The following TRIP12 variants were observed in gnomAD, a reference collection of about 807,000 sequenced individuals.
TRIP12 encodes the protein E3 ubiquitin-protein ligase TRIP12.
TRIP12 carries 25 observed loss-of-function variants against 244.2 expected under a neutral mutation model. The observed-to-expected ratio is 0.10, with a 90% CI of 0.07 to 0.14. TRIP12 has a LOEUF of 0.14. Ranked by LOEUF, TRIP12 falls within the 10% of genes least tolerant of loss-of-function variation. The pLI, the probability that TRIP12 is intolerant of heterozygous loss-of-function variation, is 1.00. For missense variants in TRIP12, 1,677 were observed against 2,486.4 expected (o/e 0.67, Z 6.92); for synonymous variants, 905 against 873.1 (o/e 1.04, Z -0.64).
intron 27 of TRIP12, 96 bp from the exon 28 acceptor site, chr2:229,792,322 C>T (rs2041745446): frequency 8.5e-7 from 1 of 1,180,654 alleles, no homozygotes; most frequent in Non-Finnish European, 1.2e-6. Context: ...TCTTAGAAAA[C>T]ACATATAGGT....
chr2:229,906,735 A>T (rs2072958159), intron 1 of TRIP12, among the ~76,000 whole-genome samples: 2 of 151,836 alleles, frequency 1.3e-5, no homozygotes, highest in African/African-American at 4.8e-5. Flanking sequence ...AAAAAAAAAA[A>T]AAGAAAAAAA....
At chr2:229,827,607 G>C (rs1160987170) in intron 8 of TRIP12, among the ~76,000 whole-genome samples, 1 of 152,088 alleles carries the variant, frequency 6.6e-6, no homozygotes, top group Non-Finnish European at 1.5e-5. Flanking sequence ...CCACTGGAAG[G>C]TCTTCAGGGG....
intron 1 of TRIP12, among the ~76,000 whole-genome samples, chr2:229,897,579 G>A (rs553429546): frequency 3.5e-4 from 53 of 152,294 alleles, no homozygotes; most frequent in African/African-American, 7.2e-4. Context: ...ACCAGGAGGC[G>A]GAGGTTGCAG....
At chr2:229,882,332 T>C (rs1005608074) in intron 1 of TRIP12, among the ~76,000 whole-genome samples, 9 of 152,124 alleles carry the variant, frequency 5.9e-5, no homozygotes, top group African/African-American at 2.4e-5. Flanking sequence ...TCTATATGAG[T>C]CTTAATTTTT....
rs757496219 is a variant in TRIP12 at position 229,810,938 on chromosome 2, G to A, written c.2163C>T (p.Arg721=). ...AGTTGGAACACATCAGAGAAAACAT[G>A]CGAACCACCATTATAAACATCCCAG... ...LSSGMFIMVV[R]MFSLMCSNCP... The change falls in exon 15 of 42, where the codon CGC becomes CGT. Residue 721 remains arginine, a synonymous_variant. Transcript: ENST00000675903. 1.2e-6 allele frequency: 2 copies of A among 1,614,076 alleles called. No individual in the cohort carries two copies. The highest frequency in any genetic ancestry group is 4.5e-5 in the East Asian group (2 of 44,860).
chr2:229,807,808 T>C lies in TRIP12; in HGVS notation c.2396A>G (p.Lys799Arg), dbSNP rs1444131578. ...ATCTGTGTTCTGTGCATTTCCCTTC[T>C]TCAACATGGTATCAACTGCAAAAAT... ...EGIFAVDTML[K>R]KGNAQNTDGA... is the part of the protein sequence containing the mutation. Residue 799 changes from lysine to arginine, a missense_variant, in exon 17 of 42, where the codon AAG (lysine) becomes AGG (arginine). Around this residue, in one of 11 missense-constraint regions of TRIP12, gnomAD observed 572 missense variants for 867.8 expected, o/e 0.66. Transcript: ENST00000675903. 6.2e-7 allele frequency: 1 copy of C among 1,614,158 alleles called. No homozygotes were observed. Among genetic ancestry groups the C allele is most frequent in the Non-Finnish European group, 8.5e-7 (1 of 1,180,020 alleles).
rs60743625 is a variant in TRIP12, at chr2:229,910,871, T to G, written c.-50+11009A>C. ...CAACACTAACATTACTAATGACAGTTGAGAAATAATTAGTAAATAGGTCTG... is the reference window on the plus strand; with the variant it reads ...CAACACTAACATTACTAATGACAGTGGAGAAATAATTAGTAAATAGGTCTG... On this transcript the variant is annotated intron_variant, in intron 1 of 41. Coordinates refer to ENST00000675903, the MANE Select transcript of TRIP12 (RefSeq NM_001348323.3). Among the ~76,000 whole-genome samples the G allele has an allele frequency of 2.9e-3, 448 of 152,288 alleles. 2 individuals are homozygous for G. Among genetic ancestry groups the G allele is most frequent in the African/African-American group, 0.01 (428 of 41,550 alleles).
At chr2:229,808,204 G>A in intron 16 of TRIP12, 48 bp downstream of exon 16, 1 of 1,383,162 alleles carries the variant, frequency 7.2e-7, no homozygotes, top group South Asian at 1.2e-5. Flanking sequence ...CTGACCTCGT[G>A]ATTCACCCGC....
intron 2 of TRIP12, among the ~76,000 whole-genome samples, chr2:229,867,149 GT>G (rs1208773317): frequency 6.5e-5 from 7 of 107,604 alleles, no homozygotes; most frequent in African/African-American, 2.0e-4. Flanking sequence ...GACAGGGAAG[GT>G]TTTTTTTTGT....
intron 1 of TRIP12, among the ~76,000 whole-genome samples, chr2:229,906,625 C>T (rs1173362442): frequency 2.0e-5 from 3 of 148,892 alleles, no homozygotes; most frequent in South Asian, 4.2e-4. Context: ...GAGGCTGAGG[C>T]AGAAGAATTG....
At chr2:229,807,915 A>G (rs765468842) in intron 16 of TRIP12, 51 bp from the exon 17 acceptor site, 1 of 1,525,880 alleles carries the variant, frequency 6.6e-7, no homozygotes. Flanking sequence ...ATATTAGTAA[A>G]CGTTAGGTCT....
In TRIP12 at chr2:229,778,352, G is replaced by A; in HGVS notation, c.5364+81C>T. ...TTGAGAAGCATTGCTCTAAACTATA[G>A]CAGTAAACTACAGGGGACTGAGGTA... On this transcript the variant is annotated intron_variant, in intron 36 of 41. Transcript: ENST00000675903. This position sits in a 1 kb window ranked among gnomAD's most constrained non-coding sequence, Gnocchi z 4.1. 6.6e-7 allele frequency: 1 copy of A among 1,516,584 alleles called. No homozygotes were observed. The highest frequency in any genetic ancestry group is 9.0e-7 in the Non-Finnish European group (1 of 1,108,286). The allele number at this position is 1,516,584 out of a possible 1,614,324, so 93.9% of individuals were successfully genotyped here. A position where few individuals can be genotyped will look rare whatever the true frequency, so the allele number is the denominator to read the frequency against.
chr2:229,826,076 A>G (rs1032044989), intron 8 of TRIP12, among the ~76,000 whole-genome samples: 2 of 152,160 alleles, frequency 1.3e-5, no homozygotes, highest in African/African-American at 4.8e-5. Context: ...GTGAAAAATA[A>G]TTTTTCCTGT....
rs779683585 is a variant in TRIP12 at position 229,796,610 on chromosome 2, T to C, written c.3797A>G (p.His1266Arg). Residue 1266 changes from histidine (H) to arginine (R), a missense_variant, in exon 25 of 42, where the codon CAT (histidine) becomes CGT (arginine). Physicochemically the swap from His to Arg is conservative, Grantham distance 29. Coordinates refer to ENST00000675903, the MANE Select transcript of TRIP12 (RefSeq NM_001348323.3). ...SREIRLKRFL[H>R]VFFSSPLPGE... Reference sequence around the variant, plus strand: ...ACTTACTGGAGAAGAAAAAAATACATGAAGAAATCGCTTTAATCTGATCTC... The same window carrying C: ...ACTTACTGGAGAAGAAAAAAATACACGAAGAAATCGCTTTAATCTGATCTC... 2.5e-6 allele frequency: 4 copies of C among 1,590,802 alleles called. No individual in the cohort carries two copies. The highest frequency in any genetic ancestry group is 1.4e-5 in the African/African-American group (1 of 73,354).
intron 1 of TRIP12, 168 bp downstream of exon 1, chr2:229,921,712 G>C: frequency 6.6e-6 from 1 of 151,954 alleles, no homozygotes; most frequent in Non-Finnish European, 1.5e-5. Context: ...CCGCGGCCCC[G>C]CCGCCGCCGG....
chr2:229,783,025 A>G (rs961437882), intron 34 of TRIP12, among the ~76,000 whole-genome samples: 6 of 152,224 alleles, frequency 3.9e-5, no homozygotes, highest in Non-Finnish European at 7.3e-5. Flanking sequence ...AAAGACTAGA[A>G]GAGAAGTTTC....
rs2060154094 is a variant in TRIP12 at position 229,859,670 on chromosome 2, T to A, written c.225-96A>T. ...AAAAAATAAAGTATGAATATGTTCC[T>A]ACTAAGTCCAGTATTAAACATAGGT... On this transcript the variant is annotated intron_variant, in intron 3 of 41. Coordinates refer to ENST00000675903, the MANE Select transcript of TRIP12 (RefSeq NM_001348323.3). The A allele has an allele frequency of 6.7e-6, 9 of 1,338,076 alleles. No homozygotes were observed. In the South Asian group the frequency reaches 1.3e-4, roughly 19 times the overall value. 82.9% of individuals were successfully genotyped at this position (1,338,076 alleles called of 1,614,324 possible).
intron 34 of TRIP12, among the ~76,000 whole-genome samples, chr2:229,782,397 A>G (rs1232904190): frequency 6.6e-6 from 1 of 151,952 alleles, no homozygotes; most frequent in Non-Finnish European, 1.5e-5. Flanking sequence ...TGGTTCCTCA[A>G]TCTTCCTGTT....
chr2:229,768,176 C>T (rs1039821294), intron 41 of TRIP12, among the ~76,000 whole-genome samples: 15 of 152,148 alleles, frequency 9.9e-5, no homozygotes, highest in African/African-American at 3.6e-4. Context: ...AGGAGGATCT[C>T]GCCTGAGCCC....
Sources: gnomAD v4.1 joint callset for allele counts (sites outside exome capture counted in the v4.1 genomes callset) on GRCh38, gnomAD v4.1.1 for gene constraint, gnomAD v4.1.1 regional missense constraint, Gnocchi (gnomAD v3.1) non-coding constraint, MANE v1.5 for transcripts, NCBI Gene and HGNC (gene_info 2026-07-23, HGNC 2026-07-21) for gene names.